Variants in VTI1A observed in about 807,000 individuals in gnomAD.
VTI1A encodes the protein vesicle transport through interaction with t-SNAREs 1A, also known as vesicle transport through interaction with t-SNAREs homolog 1A.
A neutral mutation model predicts 34.9 loss-of-function variants in VTI1A; 22 were observed. The observed-to-expected ratio is 0.63, with a 90% CI of 0.45 to 0.90. The LOEUF (loss-of-function observed/expected upper bound fraction) is 0.90. Ranked by LOEUF, VTI1A falls within the 40% of genes least tolerant of loss-of-function variation. The pLI, the probability that VTI1A is intolerant of heterozygous loss-of-function variation, is 0.00. For missense variants in VTI1A, 268 were observed against 275.6 expected, an observed-to-expected ratio of 0.97 and a Z score of 0.20; for synonymous variants, 87 against 97.3, an observed-to-expected ratio of 0.89 and a Z score of 0.62.
chr10:112,500,071 C>T (rs1409066645), intron 3 of VTI1A, among the ~76,000 whole-genome samples: 1 of 152,160 alleles, frequency 6.6e-6, no homozygotes, highest in Non-Finnish European at 1.5e-5. Context: ...TTCATAAAGC[C>T]TCAGTCTACC....
intron 5 of VTI1A, among the ~76,000 whole-genome samples, chr10:112,638,002 A>G (rs1846425509): frequency 1.3e-5 from 2 of 152,230 alleles, no homozygotes; most frequent in African/African-American, 4.8e-5. Flanking sequence ...TATAGTCTCT[A>G]CATATGTGAA....
downstream of VTI1A, among the ~76,000 whole-genome samples, chr10:112,822,839 T>A (rs918780097): frequency 6.6e-5 from 10 of 152,216 alleles, no homozygotes; most frequent in Non-Finnish European, 1.2e-4. Flanking sequence ...CATTCATTCA[T>A]TCAATCAATA....
rs558932635 is a variant in VTI1A, at chr10:112,689,177, G to A, written c.560+20179G>A. On this transcript the variant is annotated intron_variant, in intron 7 of 7. Transcript: ENST00000393077. Reference sequence around the variant, plus strand: ...ATAAGCAGAGCAGGCAAGTCACTCTGGTAGGGAAAAGTGCAGTGAATTCCA... The same window carrying A: ...ATAAGCAGAGCAGGCAAGTCACTCTAGTAGGGAAAAGTGCAGTGAATTCCA... Among the ~76,000 whole-genome samples the A allele has an allele frequency of 7.9e-5, 12 of 152,270 alleles. No homozygotes were observed. The South Asian group carries it at 2.5e-3, about 32-fold the overall frequency.
chr10:112,492,001 G>A (rs1848840400), intron 3 of VTI1A, among the ~76,000 whole-genome samples: 1 of 152,160 alleles, frequency 6.6e-6, no homozygotes, highest in African/African-American at 2.4e-5. Flanking sequence ...TAGTTTAGTT[G>A]GTCTAGGTGT....
At chr10:112,568,352 CA>C (rs1208769595) in intron 5 of VTI1A, among the ~76,000 whole-genome samples, 2 of 151,926 alleles carry the variant, frequency 1.3e-5, no homozygotes, top group African/African-American at 4.8e-5. Context: ...ACTAAAAATA[CA>C]AAAATTAGCT....
chr10:112,483,229 C>T (rs1393129764), intron 3 of VTI1A, among the ~76,000 whole-genome samples: 2 of 151,710 alleles, frequency 1.3e-5, no homozygotes, highest in African/African-American at 4.8e-5. Flanking sequence ...CTGATGTTAT[C>T]ATTACATTTA....
At chr10:112,483,916 C>A (rs1037923374) in intron 3 of VTI1A, among the ~76,000 whole-genome samples, 1 of 152,176 alleles carries the variant, frequency 6.6e-6, no homozygotes, top group Non-Finnish European at 1.5e-5. Context: ...CACACTTTCC[C>A]AAGCTCTCCT....
chr10:112,493,217 TTTAA>T (rs748411394), intron 3 of VTI1A, among the ~76,000 whole-genome samples: 3 of 152,186 alleles, frequency 2.0e-5, no homozygotes, highest in Non-Finnish European at 2.9e-5. Context: ...ATATTTTCTC[TTTAA>T]TTGTGTCGTG....
intron 7 of VTI1A, among the ~76,000 whole-genome samples, chr10:112,780,317 TA>T (rs1193390573): frequency 8.8e-6 from 1 of 113,964 alleles, no homozygotes; most frequent in Non-Finnish European, 2.0e-5. Flanking sequence ...AATAAATAAA[TA>T]AATAAAATAA....
At chr10:112,452,552 G>C (rs1426282362) in intron 1 of VTI1A, among the ~76,000 whole-genome samples, 1 of 127,484 alleles carries the variant, frequency 7.8e-6, no homozygotes, top group African/African-American at 3.2e-5. Flanking sequence ...TAGTGACACA[G>C]TGAGACTCTG....
At chr10:112,737,555 G>C in intron 7 of VTI1A, 1 of 1,049,816 alleles carries the variant, frequency 9.5e-7, no homozygotes, top group Non-Finnish European at 1.2e-6. Context: ...CAAGGAGCCT[G>C]CATTCCCAGG....
At chr10:112,524,810 A>G (rs555286442) in intron 3 of VTI1A, among the ~76,000 whole-genome samples, 18 of 152,272 alleles carry the variant, frequency 1.2e-4, no homozygotes, top group African/African-American at 4.3e-4. Flanking sequence ...AGTCCCCCAT[A>G]GTGATGAGAT....
chr10:112,447,605 G>T (rs954663915), intron 1 of VTI1A, 138 bp downstream of exon 1: 8 of 1,009,558 alleles, frequency 7.9e-6, no homozygotes, highest in Non-Finnish European at 1.2e-5. Context: ...GAGGGATACG[G>T]CTTGGCTTGG....
At chr10:112,734,722 G>A (rs1340486736) in intron 7 of VTI1A, among the ~76,000 whole-genome samples, 2 of 150,084 alleles carry the variant, frequency 1.3e-5, no homozygotes, top group African/African-American at 2.5e-5. Context: ...GCGCGATCTC[G>A]GCTCACTGCA....
chr10:112,617,719 T>C (rs187110447), intron 5 of VTI1A, among the ~76,000 whole-genome samples: 1 of 152,132 alleles, frequency 6.6e-6, no homozygotes, highest in East Asian at 1.9e-4. Context: ...TATTCTTATT[T>C]AAAGAATAAA....
intron 5 of VTI1A, among the ~76,000 whole-genome samples, chr10:112,544,598 A>G (rs752062996): frequency 2.0e-5 from 3 of 152,050 alleles, no homozygotes; most frequent in Non-Finnish European, 2.9e-5. Flanking sequence ...CCTGCACAAC[A>G]TAGCAAGACC....
At chr10:112,521,697 C>T (rs1448789546) in intron 3 of VTI1A, among the ~76,000 whole-genome samples, 1 of 151,962 alleles carries the variant, frequency 6.6e-6, no homozygotes, top group Non-Finnish European at 1.5e-5. Context: ...AACAATGTTC[C>T]AGGGATCAAA....
intron 4 of VTI1A, among the ~76,000 whole-genome samples, chr10:112,537,199 C>A (rs568566453): frequency 6.6e-6 from 1 of 150,968 alleles, no homozygotes; most frequent in East Asian, 2.0e-4. Context: ...TGACCAGATA[C>A]CAAAACTGAT....
At chr10:112,488,035 G>A (rs1174497752) in intron 3 of VTI1A, among the ~76,000 whole-genome samples, 1 of 152,000 alleles carries the variant, frequency 6.6e-6, no homozygotes, top group East Asian at 1.9e-4. Flanking sequence ...TGGCTTATTG[G>A]GTCACATTTC....
Sources: gnomAD v4.1 joint callset for allele counts (sites outside exome capture counted in the v4.1 genomes callset) on GRCh38, gnomAD v4.1.1 for gene constraint, MANE v1.5 for transcripts, NCBI Gene and HGNC (gene_info 2026-07-23, HGNC 2026-07-21) for gene names.